The following CLVS1 variants were observed in gnomAD, a reference collection of about 807,000 sequenced individuals.
CLVS1 encodes clavesin 1.
A neutral mutation model predicts 33.1 loss-of-function variants in CLVS1; 10 were observed. The ratio of observed to expected loss-of-function variants is 0.30; its 90% CI spans 0.19 to 0.51. CLVS1 has a LOEUF of 0.51. Among genes scored for constraint, CLVS1 ranks in the 20% least tolerant of loss-of-function variants. The probability of loss-of-function intolerance (pLI) is 0.97; values close to 1 mark genes in which losing one functional copy is unlikely to be tolerated. For missense variants in CLVS1, 343 were observed against 433.4 expected (o/e 0.79, Z 1.85); for synonymous variants, 163 against 166.1 (o/e 0.98, Z 0.14).
chr8:61,371,882 A>G lies in CLVS1; in HGVS notation c.456-4723A>G, dbSNP rs186766111. 3.2e-3 allele frequency among the ~76,000 whole-genome samples: 493 copies of G among 152,290 alleles called. 3 individuals carry two copies. Among genetic ancestry groups the G allele is most frequent in the African/African-American group, 0.012 (480 of 41,574 alleles). ...ATGAAACCCCTGTAGATAAACATTTACTAAGTCCTAACTTGTATAAAATCC... is the reference window on the plus strand; with the variant it reads ...ATGAAACCCCTGTAGATAAACATTTGCTAAGTCCTAACTTGTATAAAATCC... On this transcript the variant is annotated intron_variant, in intron 2 of 5. Transcript: ENST00000325897.
chr8:61,214,521 G>A (rs765467746), intron 2 of CLVS1, among the ~76,000 whole-genome samples: 54 of 152,190 alleles, frequency 3.5e-4, no homozygotes, highest in Admixed American at 2.6e-4. Context: ...TGCACACAGG[G>A]AAGGTCATGT....
the CLVS1 span, among the ~76,000 whole-genome samples, chr8:61,046,170 G>T: frequency 6.9e-6 from 1 of 145,588 alleles, no homozygotes. Context: ...TTTGTATAAG[G>T]TGTAAGGAAG....
At chr8:61,296,644 C>A (rs1008254532) in intron 1 of CLVS1, among the ~76,000 whole-genome samples, 1 of 152,176 alleles carries the variant, frequency 6.6e-6, no homozygotes, top group African/African-American at 2.4e-5. Flanking sequence ...ATTAATCAAT[C>A]AGCCACAACA....
At chr8:61,160,511 G>A (rs1022564460) in intron 2 of CLVS1, among the ~76,000 whole-genome samples, 35 of 152,196 alleles carry the variant, frequency 2.3e-4, no homozygotes, top group Non-Finnish European at 2.9e-5. Flanking sequence ...AATGGAAAAA[G>A]GAGAGAAGAC....
intron 5 of CLVS1, among the ~76,000 whole-genome samples, chr8:61,477,105 ATT>A (rs1817971159): frequency 1.3e-5 from 2 of 152,098 alleles, no homozygotes; most frequent in South Asian, 2.1e-4. Context: ...ACGTTTATTG[ATT>A]TTTGTATGTT....
At chr8:61,062,847 C>T (rs1804605059) in intron 1 of CLVS1, among the ~76,000 whole-genome samples, 1 of 152,198 alleles carries the variant, frequency 6.6e-6, no homozygotes, top group Non-Finnish European at 1.5e-5. Context: ...TTTAGATGTT[C>T]AACCCTCTTA....
intron 3 of CLVS1, among the ~76,000 whole-genome samples, chr8:61,435,031 T>C (rs1433178682): frequency 6.6e-6 from 1 of 152,062 alleles, no homozygotes. Context: ...ATATATAGGG[T>C]CAAATAAAAC....
In CLVS1 at chr8:61,321,043, C is replaced by A. The variant is rs559060105; in HGVS notation, c.455+20761C>A. 1.4e-4 allele frequency among the ~76,000 whole-genome samples: 22 copies of A among 152,256 alleles called. No individual in the cohort carries two copies. The South Asian group carries it at 4.2e-3, about 29-fold the overall frequency. On this transcript the variant is annotated intron_variant, in intron 2 of 5. Coordinates refer to ENST00000325897, the MANE Select transcript of CLVS1 (RefSeq NM_173519.3). ...ATAACCATTTAAAACATGCTTAAAA[C>A]AAACATTTAAACCCATCTCTGCAAC...
At chr8:61,137,478 T>G (rs1323537893) in intron 2 of CLVS1, among the ~76,000 whole-genome samples, 1 of 152,144 alleles carries the variant, frequency 6.6e-6, no homozygotes, top group African/African-American at 2.4e-5. Context: ...TGTCATGAGG[T>G]GTAGAAGGGA....
At chr8:61,334,185 G>A (rs1207790595) in intron 2 of CLVS1, among the ~76,000 whole-genome samples, 1 of 152,216 alleles carries the variant, frequency 6.6e-6, no homozygotes, top group East Asian at 1.9e-4. Flanking sequence ...AGTGGGATGA[G>A]AGAGAGGCAT....
chr8:61,385,116 A>G (rs1400412548), intron 3 of CLVS1, among the ~76,000 whole-genome samples: 1 of 152,202 alleles, frequency 6.6e-6, no homozygotes, highest in African/African-American at 2.4e-5. Context: ...TGGTGGTGGA[A>G]GAAGTATTCC....
intron 2 of CLVS1, among the ~76,000 whole-genome samples, chr8:61,281,187 G>A (rs10046704): frequency 0.023 from 3,438 of 152,276 alleles, 147 homozygotes; most frequent in African/African-American, 0.078. Context: ...TATATTGAAA[G>A]TCTTCATCAG....
chr8:61,344,493 A>C (rs1198817717), intron 2 of CLVS1, among the ~76,000 whole-genome samples: 1 of 152,216 alleles, frequency 6.6e-6, no homozygotes, highest in South Asian at 2.1e-4. Flanking sequence ...GGCTTAGCTC[A>C]AAATGGCAGG....
intron 5 of CLVS1, among the ~76,000 whole-genome samples, chr8:61,480,773 G>T (rs1261929322): frequency 1.3e-5 from 2 of 152,118 alleles, no homozygotes; most frequent in Non-Finnish European, 2.9e-5. Flanking sequence ...GGTACAGAAG[G>T]GTTTTTAGGT....
At chr8:61,249,328 C>T (rs1263123527) in intron 2 of CLVS1, among the ~76,000 whole-genome samples, 21 of 152,174 alleles carry the variant, frequency 1.4e-4, no homozygotes, top group Admixed American at 1.3e-3. Flanking sequence ...CACTGATGGA[C>T]ATTTGGGTTG....
chr8:61,072,242 C>A (rs544960078), intron 1 of CLVS1, among the ~76,000 whole-genome samples: 49 of 152,306 alleles, frequency 3.2e-4, no homozygotes, highest in African/African-American at 1.1e-3. Context: ...AGGCCTCTGT[C>A]CTCTGTCCAC....
intron 2 of CLVS1, among the ~76,000 whole-genome samples, chr8:61,242,664 C>A (rs1420671124): frequency 6.6e-6 from 1 of 151,988 alleles, no homozygotes; most frequent in African/African-American, 2.4e-5. Context: ...TGACACATGC[C>A]TGTAGTCCCA....
At chr8:60,968,910 T>TA in the CLVS1 span, among the ~76,000 whole-genome samples, 198 of 149,944 alleles carry the variant, frequency 1.3e-3, 1 homozygote, top group African/African-American at 4.1e-3. Context: ...ATAAATAAAA[T>TA]AAAAAAAAAT....
chr8:61,032,362 C>T, the CLVS1 span, among the ~76,000 whole-genome samples: 2 of 152,216 alleles, frequency 1.3e-5, no homozygotes, highest in Admixed American at 1.3e-4. Context: ...AGCTACAAGG[C>T]AGAGAATGGA....
Sources: gnomAD v4.1 joint callset for allele counts (sites outside exome capture counted in the v4.1 genomes callset) on GRCh38, gnomAD v4.1.1 for gene constraint, MANE v1.5 for transcripts, NCBI Gene and HGNC (gene_info 2026-07-23, HGNC 2026-07-21) for gene names.